ABHD2: variants seen among roughly 807,000 people sequenced by gnomAD.
The protein encoded by ABHD2 is abhydrolase domain containing 2, acylglycerol lipase.
A neutral mutation model predicts 48.1 loss-of-function variants in ABHD2; 20 were observed. The observed-to-expected ratio is 0.42, with a 90% CI of 0.29 to 0.60. The LOEUF (loss-of-function observed/expected upper bound fraction) is 0.60, where lower values mean the gene tolerates loss of function less well. Among genes scored for constraint, ABHD2 ranks in the 20% least tolerant of loss-of-function variants. The pLI, the probability that ABHD2 is intolerant of heterozygous loss-of-function variation, is 0.24. For missense variants in ABHD2, 405 were observed against 550.9 expected (o/e 0.74, Z 2.65); for synonymous variants, 209 against 214.2 (o/e 0.98, Z 0.21).
chr15:89,200,678 G>A lies in ABHD2; in HGVS notation c.*5255G>A, dbSNP rs1057401362. On this transcript the variant is annotated 3_prime_UTR_variant, in exon 11 of 11. Transcript: ENST00000352732. ...GTACACACACAAAAAAATGGTCACC[G>A]CAGGCCATACTACCAATGAAATGGT... is the stretch of plus-strand genomic sequence containing the variant. 2.3e-5 allele frequency: 5 copies of A among 215,560 alleles called. No homozygotes were observed. Among genetic ancestry groups the A allele is most frequent in the African/African-American group, 4.6e-5 (2 of 43,108 alleles). The allele number at this position is 215,560 out of a possible 1,614,324, so 13.4% of individuals were successfully genotyped here. A position where few individuals can be genotyped will look rare whatever the true frequency, so the allele number is the denominator to read the frequency against.
chr15:89,125,873 A>T (rs1293705623), intron 3 of ABHD2, among the ~76,000 whole-genome samples: 1 of 152,224 alleles, frequency 6.6e-6, no homozygotes, highest in Admixed American at 6.5e-5. Context: ...TCTAACCTAG[A>T]TACAGATTGT....
chr15:89,202,078 C>T lies in ABHD2; in HGVS notation c.*6655C>T, dbSNP rs1437089859. On this transcript the variant is annotated 3_prime_UTR_variant, in exon 11 of 11. Coordinates refer to ENST00000352732, the MANE Select transcript of ABHD2 (RefSeq NM_152924.5). ...TTTGAGTTTGTGTTCTGAAAGCCTC[C>T]GTGCTGCTGGATCTTTGGGGGGAAA... is the stretch of plus-strand genomic sequence containing the variant. 3 of 280,126 alleles carry T rather than the reference C, an allele frequency of 1.1e-5. No individual in the cohort carries two copies. The highest frequency in any genetic ancestry group is 9.1e-5 in the East Asian group (1 of 11,046). 17.4% of individuals were successfully genotyped at this position (280,126 alleles called of 1,614,324 possible).
At chr15:89,075,746 A>G in the ABHD2 span, among the ~76,000 whole-genome samples, 1 of 152,172 alleles carries the variant, frequency 6.6e-6, no homozygotes, top group Non-Finnish European at 1.5e-5. This position sits in a 1 kb window ranked among gnomAD's most constrained non-coding sequence, Gnocchi z 4.1. Context: ...CCACCAGGGA[A>G]GAGGGTATGG....
the ABHD2 span, among the ~76,000 whole-genome samples, chr15:89,041,794 C>A: frequency 6.6e-6 from 1 of 152,198 alleles, no homozygotes; most frequent in Non-Finnish European, 1.5e-5. Context: ...CCCACGGCAC[C>A]CAGACCTGGC....
the ABHD2 span, among the ~76,000 whole-genome samples, chr15:89,052,421 A>G: frequency 2.6e-5 from 4 of 152,130 alleles, no homozygotes; most frequent in African/African-American, 9.7e-5. Context: ...TAATCTTAGA[A>G]TTTCATGGTG....
intron 8 of ABHD2, 52 bp from the exon 9 acceptor site, chr15:89,191,028 A>G: frequency 6.3e-7 from 1 of 1,584,978 alleles, no homozygotes; most frequent in Non-Finnish European, 8.6e-7. Context: ...TTCTGATCTT[A>G]AAGACCAATG....
At chr15:89,071,023 T>C in the ABHD2 span, among the ~76,000 whole-genome samples, 27 of 152,174 alleles carry the variant, frequency 1.8e-4, no homozygotes, top group African/African-American at 6.0e-4. Context: ...TAAATACTCA[T>C]TGCTCCTCTC....
At chr15:89,190,855 C>T (rs113502544) in intron 8 of ABHD2, among the ~76,000 whole-genome samples, 4 of 152,194 alleles carry the variant, frequency 2.6e-5, no homozygotes, top group Non-Finnish European at 5.9e-5. Flanking sequence ...TGCTCTTAAC[C>T]CTGAACCTTG....
the ABHD2 span, among the ~76,000 whole-genome samples, chr15:89,056,084 C>G: frequency 2.0e-5 from 3 of 152,100 alleles, no homozygotes; most frequent in South Asian, 6.2e-4. Flanking sequence ...AACTCCTGGC[C>G]TCAAGCAATC....
chr15:89,071,594 A>C, the ABHD2 span, among the ~76,000 whole-genome samples: 2 of 152,142 alleles, frequency 1.3e-5, no homozygotes, highest in African/African-American at 4.8e-5. Context: ...ACCTGCATTT[A>C]ACCTAAAACA....
chr15:89,199,224 T>C lies in ABHD2; in HGVS notation c.*3801T>C, dbSNP rs780548678. On this transcript the variant is annotated 3_prime_UTR_variant, in exon 11 of 11. Coordinates refer to ENST00000352732, the MANE Select transcript of ABHD2 (RefSeq NM_152924.5). The surrounding 1 kb of genome is among the most constrained non-coding windows in gnomAD (Gnocchi z 4.1). ...TACATGTGTTCTTGTTTGTGTTTGC[T>C]CAGCAAGCAGATGTCTGAGATGTAA... is the stretch of plus-strand genomic sequence containing the variant. The C allele has an allele frequency of 1.4e-4, 22 of 152,050 alleles. No individual in the cohort carries two copies. The highest frequency in any genetic ancestry group is 2.6e-4 in the Non-Finnish European group (18 of 68,022). The allele number at this position is 152,050 out of a possible 1,614,324, so 9.4% of individuals were successfully genotyped here.
intron 1 of ABHD2, among the ~76,000 whole-genome samples, chr15:89,096,499 C>T (rs1241969149): frequency 6.6e-6 from 1 of 152,182 alleles, no homozygotes; most frequent in Admixed American, 6.5e-5. Flanking sequence ...CATTTGGTAC[C>T]TGAGTTTGAA....
intron 6 of ABHD2, chr15:89,183,384 A>AATATATATAT (rs1555433648): frequency 0.021 from 957 of 46,022 alleles, 30 homozygotes; most frequent in African/African-American, 0.028. Context: ...AAAAAAAAAA[A>AATATATATAT]ATATATATAT....
rs913380718 is a variant in ABHD2 at position 89,200,851 on chromosome 15, G to A, written c.*5428G>A. The A allele has an allele frequency of 3.1e-6, 1 of 321,514 alleles. No individual in the cohort carries two copies. The highest frequency in any genetic ancestry group is 5.8e-6 in the Non-Finnish European group (1 of 171,102). 19.9% of individuals were successfully genotyped at this position (321,514 alleles called of 1,614,324 possible). ...TAATCCCAGCACTTTGGAGGCCGAG[G>A]CGGGTAGATCACCTGAGGTTAGGAG... is the stretch of plus-strand genomic sequence containing the variant. On this transcript the variant is annotated 3_prime_UTR_variant, in exon 11 of 11. Coordinates refer to ENST00000352732, the MANE Select transcript of ABHD2 (RefSeq NM_152924.5).
At chr15:89,052,540 CAGACAG>C in the ABHD2 span, among the ~76,000 whole-genome samples, 655 of 125,318 alleles carry the variant, frequency 5.2e-3, 10 homozygotes, top group African/African-American at 0.02. Flanking sequence ...GACAGACAGA[CAGACAG>C]ACAGACAGAC....
chr15:89,133,546 C>A (rs1340914260), intron 3 of ABHD2, among the ~76,000 whole-genome samples: 1 of 152,194 alleles, frequency 6.6e-6, no homozygotes, highest in African/African-American at 2.4e-5. Context: ...ATTTGCCAAT[C>A]TGGTAGGTGA....
Position 89,201,859 on chromosome 15 carries a change from C to T in ABHD2, c.*6436C>T, listed in dbSNP as rs761791020. On this transcript the variant is annotated 3_prime_UTR_variant, in exon 11 of 11. Coordinates refer to ENST00000352732, the MANE Select transcript of ABHD2 (RefSeq NM_152924.5). The stretch of plus-strand genomic sequence containing the variant: ...GCTCGCTGGGGGCGGGGGACGATGG[C>T]GAGAGGGGAGGGGGAGCGAGTTCGC... 51 of 837,526 alleles carry T rather than the reference C, an allele frequency of 6.1e-5. No individual in the cohort carries two copies. Among genetic ancestry groups the T allele is most frequent in the Non-Finnish European group, 8.7e-5 (45 of 516,630 alleles). The allele number at this position is 837,526 out of a possible 1,614,324, so 51.9% of individuals were successfully genotyped here.
chr15:89,044,378 C>T, the ABHD2 span, among the ~76,000 whole-genome samples: 1 of 152,110 alleles, frequency 6.6e-6, no homozygotes, highest in Non-Finnish European at 1.5e-5. Context: ...GTGCATGTGT[C>T]TTTATAGCAG....
At position 89,143,393 on chromosome 15, in the gene ABHD2, T is replaced by C. The variant is rs187030977; in HGVS notation, c.195-8284T>C. Among the ~76,000 whole-genome samples the C allele has an allele frequency of 3.8e-3, 583 of 152,282 alleles. 5 individuals carry two copies. Among genetic ancestry groups the C allele is most frequent in the African/African-American group, 0.013 (546 of 41,562 alleles). ...ATTTTTTAAAAAAAGTGTGGCCAAG[T>C]GCGGTGGCTCACGCCTGTAATCCCA... On this transcript the variant is annotated intron_variant, in intron 3 of 10. Coordinates refer to ENST00000352732, the MANE Select transcript of ABHD2 (RefSeq NM_152924.5).
Sources: allele counts gnomAD v4.1 joint callset (sites outside exome capture counted in the v4.1 genomes callset), GRCh38; gene constraint gnomAD v4.1.1; non-coding constraint Gnocchi (gnomAD v3.1); transcripts MANE v1.5; gene names NCBI Gene and HGNC (gene_info 2026-07-23, HGNC 2026-07-21).